Variants in NKAIN3 observed in about 807,000 individuals in gnomAD.
The protein encoded by NKAIN3 is sodium/potassium-transporting ATPase subunit beta-1-interacting protein 3.
A neutral mutation model predicts 30.2 loss-of-function variants in NKAIN3; 25 were observed. That is an observed-to-expected ratio of 0.83 (90% CI 0.60 to 1.16). NKAIN3 has a LOEUF of 1.16. Ranked by LOEUF, NKAIN3 falls within the 50% of genes most tolerant of loss-of-function variation. NKAIN3 has a pLI of 0.00. For missense variants in NKAIN3, 225 were observed against 254.1 expected, an observed-to-expected ratio of 0.89 and a Z score of 0.78; for synonymous variants, 91 against 89.6, an observed-to-expected ratio of 1.02 and a Z score of -0.09.
chr8:62,936,486 A>C (rs1397357959), intron 5 of NKAIN3, among the ~76,000 whole-genome samples: 4 of 152,044 alleles, frequency 2.6e-5, no homozygotes, highest in African/African-American at 9.7e-5. Flanking sequence ...TATATAACCA[A>C]CCCTAACTCA....
intron 4 of NKAIN3, among the ~76,000 whole-genome samples, chr8:62,809,143 T>C (rs905230366): frequency 1.9e-4 from 29 of 152,196 alleles, no homozygotes; most frequent in Admixed American, 1.7e-3. Flanking sequence ...GACCTAATGG[T>C]TATCTCCCTT....
intron 3 of NKAIN3, among the ~76,000 whole-genome samples, chr8:62,637,289 C>T (rs569362655): frequency 2.0e-5 from 3 of 152,232 alleles, no homozygotes; most frequent in East Asian, 1.9e-4. Context: ...TCAAGCAAGC[C>T]GTGGAGGAAA....
chr8:62,322,148 T>C lies in NKAIN3; in HGVS notation c.54+73021T>C, dbSNP rs1377835483. Among the ~76,000 whole-genome samples, 25 of 152,210 alleles carry C rather than the reference T, an allele frequency of 1.6e-4. 1 individual carries two copies. Among genetic ancestry groups the C allele is most frequent in the Middle Eastern group, 6.3e-3 (2 of 316 alleles). ...GAGCCAGGCATAGGTTATCATCTCC[T>C]GGTATGCTGTTTGCTAAGACCATTG... On this transcript the variant is annotated intron_variant, in intron 1 of 6. Coordinates refer to ENST00000623646, the MANE Select transcript of NKAIN3 (RefSeq NM_001304533.3).
intron 3 of NKAIN3, among the ~76,000 whole-genome samples, chr8:62,622,202 G>C (rs1396721922): frequency 6.6e-6 from 1 of 151,892 alleles, no homozygotes; most frequent in African/African-American, 2.4e-5. Context: ...AGGATATCTT[G>C]GTTCTTTCAA....
chr8:62,454,336 A>G (rs13275169), intron 1 of NKAIN3, among the ~76,000 whole-genome samples: 9,860 of 148,410 alleles, frequency 0.066, 524 homozygotes, highest in Middle Eastern at 0.11. Flanking sequence ...TGAAAATCTC[A>G]TAATGTTTTA....
intron 6 of NKAIN3, among the ~76,000 whole-genome samples, chr8:62,959,209 C>G (rs1017011590): frequency 6.6e-6 from 1 of 152,270 alleles, no homozygotes; most frequent in Non-Finnish European, 1.5e-5. Flanking sequence ...CTGCAGCGAG[C>G]TCTGCAGGTA....
At position 62,845,285 on chromosome 8, in the gene NKAIN3, TTATATATA is replaced by T. The variant is rs10525699; in HGVS notation, c.472-73147_472-73140del. On this transcript the variant is annotated intron_variant, in intron 4 of 6. Coordinates refer to ENST00000623646, the MANE Select transcript of NKAIN3 (RefSeq NM_001304533.3). ...ATTCATTGACCTGCTGGATAGTAGA[TTATATATA>T]TATATATATATATATATATAGTACC... 5.0e-3 allele frequency among the ~76,000 whole-genome samples: 342 copies of T among 68,930 alleles called. 15 individuals are homozygous for T. Among genetic ancestry groups the T allele is most frequent in the African/African-American group, 0.014 (283 of 20,538 alleles). The allele number at this position is 68,930 out of a possible 152,430, so 45.2% of individuals were successfully genotyped here. A position where few individuals can be genotyped will look rare whatever the true frequency, so the allele number is the denominator to read the frequency against.
At chr8:62,370,263 T>C (rs1051688059) in intron 1 of NKAIN3, among the ~76,000 whole-genome samples, 3 of 152,012 alleles carry the variant, frequency 2.0e-5, no homozygotes, top group Non-Finnish European at 2.9e-5. Context: ...CCTGGCCACA[T>C]TGACTACAAA....
intron 1 of NKAIN3, among the ~76,000 whole-genome samples, chr8:62,500,257 AGT>A (rs1200478396): frequency 6.6e-6 from 1 of 152,088 alleles, no homozygotes; most frequent in East Asian, 1.9e-4. Flanking sequence ...GTCTATAACC[AGT>A]GTTCCTTGAA....
At chr8:62,502,109 A>G (rs760708914) in intron 1 of NKAIN3, among the ~76,000 whole-genome samples, 4 of 152,332 alleles carry the variant, frequency 2.6e-5, no homozygotes, top group African/African-American at 4.8e-5. Context: ...CTGTTGCTAT[A>G]TAATTTGCCA....
chr8:62,734,818 G>A (rs1391597117), intron 3 of NKAIN3, among the ~76,000 whole-genome samples: 1 of 152,218 alleles, frequency 6.6e-6, no homozygotes, highest in Non-Finnish European at 1.5e-5. Context: ...GTTATCATCT[G>A]AAAGCCAATT....
chr8:62,705,426 CG>C (rs1394220442), intron 3 of NKAIN3, among the ~76,000 whole-genome samples: 3 of 152,214 alleles, frequency 2.0e-5, no homozygotes, highest in African/African-American at 7.2e-5. Context: ...TGGCGCAGTC[CG>C]GGGAAGCGGG....
At chr8:62,328,688 A>G (rs1815230721) in intron 1 of NKAIN3, among the ~76,000 whole-genome samples, 1 of 152,126 alleles carries the variant, frequency 6.6e-6, no homozygotes, top group Admixed American at 6.6e-5. Flanking sequence ...ACCTCTCTAC[A>G]TTCTCCAGAG....
Position 62,476,677 on chromosome 8 carries a change from G to A in NKAIN3, c.55-102862G>A, listed in dbSNP as rs186991475. Among the ~76,000 whole-genome samples, 12 of 152,118 alleles carry A rather than the reference G, an allele frequency of 7.9e-5. No homozygotes were observed. The East Asian group carries it at 1.9e-3, about 25-fold the overall frequency. On this transcript the variant is annotated intron_variant, in intron 1 of 6. Transcript: ENST00000623646. ...TCACCATGTTGGCCAGGGTGGTCTC[G>A]ATGTCCTGACCTCGTGATCCTCCCG...
At chr8:62,728,306 T>C (rs1175207830) in intron 3 of NKAIN3, among the ~76,000 whole-genome samples, 1 of 152,038 alleles carries the variant, frequency 6.6e-6, no homozygotes, top group African/African-American at 2.4e-5. Flanking sequence ...GATTAAAGTA[T>C]AATAATAAAA....
At chr8:62,691,169 T>G (rs1404585668) in intron 3 of NKAIN3, among the ~76,000 whole-genome samples, 1 of 152,206 alleles carries the variant, frequency 6.6e-6, no homozygotes, top group Non-Finnish European at 1.5e-5. Flanking sequence ...AAGTAGCAGC[T>G]GGCCTTCTTT....
chr8:62,378,136 G>A (rs1817153275), intron 1 of NKAIN3, among the ~76,000 whole-genome samples: 1 of 152,198 alleles, frequency 6.6e-6, no homozygotes, highest in African/African-American at 2.4e-5. Flanking sequence ...AGTCGGAGGT[G>A]AGGACCTTGT....
chr8:62,893,788 G>T (rs1037458633), intron 4 of NKAIN3, among the ~76,000 whole-genome samples: 1 of 152,208 alleles, frequency 6.6e-6, no homozygotes, highest in Non-Finnish European at 1.5e-5. Flanking sequence ...TGGCTGGAAT[G>T]ATAGGAAAGT....
chr8:62,660,385 A>C (rs1812906945), intron 3 of NKAIN3, among the ~76,000 whole-genome samples: 1 of 152,222 alleles, frequency 6.6e-6, no homozygotes, highest in Non-Finnish European at 1.5e-5. Context: ...TCTATAATTA[A>C]GTATATGGAT....
Sources: gnomAD v4.1 joint callset for allele counts (sites outside exome capture counted in the v4.1 genomes callset) on GRCh38, gnomAD v4.1.1 for gene constraint, MANE v1.5 for transcripts, NCBI Gene and HGNC (gene_info 2026-07-23, HGNC 2026-07-21) for gene names.